DCAF6: variants seen among roughly 807,000 people sequenced by gnomAD.
The protein encoded by DCAF6 is DDB1- and CUL4-associated factor 6.
In DCAF6, 54 loss-of-function variants were observed where a neutral mutation model predicts 125.1. That is an observed-to-expected ratio of 0.43 (90% CI 0.35 to 0.54). The LOEUF is 0.54. DCAF6 is among the 20% of genes least tolerant of loss of function. DCAF6 has a pLI of 0.01. For synonymous variants in DCAF6, 371 were observed against 390.4 expected, an observed-to-expected ratio of 0.95 and a Z score of 0.58; for missense variants, 934 against 1,161.7, an observed-to-expected ratio of 0.80 and a Z score of 2.85.
upstream of DCAF6, among the ~76,000 whole-genome samples, chr1:167,933,902 CAT>C (rs1199641421): frequency 1.3e-5 from 2 of 152,174 alleles, no homozygotes; most frequent in East Asian, 3.8e-4. Flanking sequence ...CGCTGTGCTA[CAT>C]GTTTTAGAGA....
intron 17 of DCAF6, among the ~76,000 whole-genome samples, chr1:168,060,938 T>G (rs559525301): frequency 6.6e-6 from 1 of 152,238 alleles, no homozygotes; most frequent in Admixed American, 6.5e-5. Flanking sequence ...ATAGCTCTTA[T>G]GTCCTTTGGC....
intron 15 of DCAF6, 61 bp from the exon 16 acceptor site, chr1:168,044,839 G>A (rs1434996500): frequency 3.2e-6 from 5 of 1,553,660 alleles, no homozygotes; most frequent in Non-Finnish European, 1.7e-6. Flanking sequence ...TCCTAAGTTA[G>A]GTTAAATAAT....
rs1056006796 is a variant in DCAF6 at position 167,991,187 on chromosome 1, T to G, written c.553-17T>G. ...CTGTATAACTATATGTAATTGGTAT[T>G]ATGTTATGTTTTGTAGGATATTTTA... On this transcript the variant is annotated splice_polypyrimidine_tract_variant and intron_variant, in intron 5 of 21. Coordinates refer to ENST00000367840, the MANE Select transcript of DCAF6 (RefSeq NM_001198956.2). The G allele has an allele frequency of 1.9e-6, 3 of 1,603,324 alleles. No individual in the cohort carries two copies. The African/African-American group carries it at 4.0e-5, about 22-fold the overall frequency.
At position 168,006,822 on chromosome 1, in the gene DCAF6, A is replaced by T. The variant is rs184078837; in HGVS notation, c.1378+2029A>T. The stretch of plus-strand genomic sequence containing the variant: ...TTTATCCCTTTACATGTCCTCCCTC[A>T]TTTTTACTGATATCAAAGAAACGGA... On this transcript the variant is annotated intron_variant, in intron 10 of 21. Coordinates refer to ENST00000367840, the MANE Select transcript of DCAF6 (RefSeq NM_001198956.2). Among the ~76,000 whole-genome samples the T allele has an allele frequency of 1.7e-3, 257 of 152,224 alleles. 2 individuals carry two copies. Among genetic ancestry groups the T allele is most frequent in the African/African-American group, 6.0e-3 (249 of 41,536 alleles).
At chr1:168,009,370 CCTTCCTTCCTTCCTTCCTTT>C (rs1378531972) in intron 10 of DCAF6, among the ~76,000 whole-genome samples, 7 of 140,226 alleles carry the variant, frequency 5.0e-5, no homozygotes, top group African/African-American at 1.8e-4. Context: ...TTCCTTCCTT[CCTTCCTTCCTTCCTTCCTTT>C]CTTTCTTTCT....
chr1:167,994,440 C>T (rs148534815), intron 7 of DCAF6, among the ~76,000 whole-genome samples: 14 of 152,222 alleles, frequency 9.2e-5, no homozygotes, highest in Admixed American at 4.6e-4. Flanking sequence ...CATATATGGA[C>T]AGCAATCCCT....
intron 17 of DCAF6, among the ~76,000 whole-genome samples, chr1:168,052,640 T>G: frequency 6.6e-6 from 1 of 152,206 alleles, no homozygotes; most frequent in East Asian, 1.9e-4. Flanking sequence ...ATCACAGATG[T>G]TTATATCTAC....
intron 4 of DCAF6, among the ~76,000 whole-genome samples, chr1:167,983,011 A>G (rs115220686): frequency 0.015 from 2,298 of 152,116 alleles, 55 homozygotes; most frequent in African/African-American, 0.051. Flanking sequence ...ATTCTGTTTC[A>G]TTGGCCTGTG....
chr1:167,978,256 A>G (rs1300341031), intron 4 of DCAF6, among the ~76,000 whole-genome samples: 1 of 152,250 alleles, frequency 6.6e-6, no homozygotes, highest in Non-Finnish European at 1.5e-5. Context: ...TTGCTGGGTC[A>G]TAGAATATAT....
At chr1:167,888,610 C>T in the DCAF6 span, among the ~76,000 whole-genome samples, 2 of 152,108 alleles carry the variant, frequency 1.3e-5, no homozygotes, top group Admixed American at 1.3e-4. Context: ...GGCGCGGTGG[C>T]TCACGCCTGT....
At chr1:168,051,308 G>A (rs151299337) in intron 17 of DCAF6, among the ~76,000 whole-genome samples, 46 of 152,158 alleles carry the variant, frequency 3.0e-4, no homozygotes, top group Admixed American at 5.2e-4. Context: ...TTTGTTATTC[G>A]TATATGCTCC....
At chr1:167,896,804 A>T in the DCAF6 span, 1 of 741,606 alleles carries the variant, frequency 1.3e-6, no homozygotes, top group Non-Finnish European at 2.4e-6. Context: ...TGATTGGCAC[A>T]CTTAAACACC....
At chr1:167,949,720 C>T (rs1045872151) in intron 1 of DCAF6, among the ~76,000 whole-genome samples, 1 of 152,116 alleles carries the variant, frequency 6.6e-6, no homozygotes. Flanking sequence ...GGTAGCAGTC[C>T]AATTGGTTAC....
chr1:168,060,397 G>T, intron 17 of DCAF6, among the ~76,000 whole-genome samples: 1 of 151,974 alleles, frequency 6.6e-6, no homozygotes, highest in East Asian at 1.9e-4. Flanking sequence ...TGTTGCCCAG[G>T]CTGGTCTTGA....
chr1:167,933,221 G>A (rs1169656239), upstream of DCAF6, among the ~76,000 whole-genome samples: 1 of 149,162 alleles, frequency 6.7e-6, no homozygotes, highest in Non-Finnish European at 1.5e-5. Flanking sequence ...AGGCTGGAGT[G>A]CAATGGCACG....
intron 19 of DCAF6, 86 bp downstream of exon 19, chr1:168,065,832 A>G (rs1158503404): frequency 1.7e-5 from 21 of 1,268,980 alleles, no homozygotes; most frequent in Non-Finnish European, 2.1e-5. Context: ...AATTGTTAAT[A>G]TTATAAGAAT....
intron 7 of DCAF6, among the ~76,000 whole-genome samples, 154 bp from the exon 8 acceptor site, chr1:168,002,328 C>T (rs893605194): frequency 1.3e-5 from 2 of 152,064 alleles, no homozygotes; most frequent in East Asian, 3.9e-4. Flanking sequence ...AAAAGACTGA[C>T]GCTTATACCA....
the DCAF6 span, chr1:167,920,448 G>C: frequency 3.4e-6 from 4 of 1,173,802 alleles, no homozygotes; most frequent in South Asian, 5.9e-5. Flanking sequence ...TTGTGTGTGG[G>C]TGTATTTCAA....
the DCAF6 span, among the ~76,000 whole-genome samples, chr1:167,929,771 A>C: frequency 6.6e-6 from 1 of 152,336 alleles, no homozygotes; most frequent in East Asian, 1.9e-4. Flanking sequence ...ACTCTCAAGC[A>C]CATATACACA....
Sources: allele counts gnomAD v4.1 joint callset (sites outside exome capture counted in the v4.1 genomes callset), GRCh38; gene constraint gnomAD v4.1.1; transcripts MANE v1.5; gene names NCBI Gene and HGNC (gene_info 2026-07-23, HGNC 2026-07-21).